Variants in NWD1 observed in about 807,000 individuals in gnomAD.
NWD1 encodes the protein NACHT domain- and WD repeat-containing protein 1.
A neutral mutation model predicts 135.1 loss-of-function variants in NWD1; 129 were observed. The ratio of observed to expected loss-of-function variants is 0.96; its 90% CI spans 0.83 to 1.11. The LOEUF (loss-of-function observed/expected upper bound fraction) is 1.11, where lower values mean the gene tolerates loss of function less well. Among genes scored for constraint, NWD1 ranks in the 50% least tolerant of loss-of-function variants. The probability of loss-of-function intolerance (pLI) is 0.00; values close to 1 mark genes in which losing one functional copy is unlikely to be tolerated. For missense variants in NWD1, 1,740 were observed against 1,851.3 expected, an observed-to-expected ratio of 0.94 and a Z score of 1.10; for synonymous variants, 773 against 786.0, an observed-to-expected ratio of 0.98 and a Z score of 0.28.
In NWD1 at chr19:16,759,488, C is replaced by T; in HGVS notation, c.1973+60C>T. 3 of 1,297,574 alleles carry T rather than the reference C, an allele frequency of 2.3e-6. No homozygotes were observed. The South Asian group carries it at 3.8e-5, about 16-fold the overall frequency. The allele number at this position is 1,297,574 out of a possible 1,614,324, so 80.4% of individuals were successfully genotyped here. A position where few individuals can be genotyped will look rare whatever the true frequency, so the allele number is the denominator to read the frequency against. ...GGGTGGGACCCCAAGAATGAGGACT[C>T]ACTGGCCGGGGGTCTTCTCAGTATC... On this transcript the variant is annotated intron_variant, in intron 7 of 18. Transcript: ENST00000524140.
rs551065697 is a variant in NWD1, at chr19:16,794,553, G to C, written c.3304G>C (p.Gly1102Arg). 8.2e-6 allele frequency: 13 copies of C among 1,594,864 alleles called. No homozygotes were observed. In the Admixed American group the frequency reaches 2.2e-4, roughly 27 times the overall value. The stretch of plus-strand genomic sequence containing the variant: ...TGAAGATGAGTCCCTCCTCGCCGCA[G>C]GTAGCGTTTAGCTCTCATTTGGAGT... ...VSEDESLLAA[G>R]FGRSVRIFLA... The change falls in exon 15 of 19, where the codon GGC (glycine) becomes CGC (arginine). Residue 1102 changes from glycine to arginine, a missense_variant and splice_region_variant. Gly to Arg is a moderately radical substitution (Grantham distance 125). Transcript: ENST00000524140.
intron 12 of NWD1, among the ~76,000 whole-genome samples, chr19:16,787,598 G>A (rs545476866): frequency 2.6e-4 from 40 of 152,240 alleles, no homozygotes; most frequent in Admixed American, 7.2e-4. Flanking sequence ...AGTGGCTCAC[G>A]CCTGTAATCC....
intron 17 of NWD1, among the ~76,000 whole-genome samples, chr19:16,803,554 CATA>C (rs1440492237): frequency 2.0e-5 from 3 of 151,946 alleles, no homozygotes; most frequent in African/African-American, 7.3e-5. Flanking sequence ...ATGATTTTAA[CATA>C]GGAATTTGTC....
At chr19:16,807,268 T>G (rs1354266781) in intron 17 of NWD1, among the ~76,000 whole-genome samples, 1 of 149,398 alleles carries the variant, frequency 6.7e-6, no homozygotes, top group Non-Finnish European at 1.5e-5. Flanking sequence ...CCAAGGTGGG[T>G]GGATCACCTG....
chr19:16,745,909 C>T (rs112951204), intron 5 of NWD1, among the ~76,000 whole-genome samples: 2 of 152,074 alleles, frequency 1.3e-5, no homozygotes, highest in African/African-American at 4.8e-5. Context: ...AGAGTGAGAC[C>T]CTGTCTCTAA....
Position 16,741,746 on chromosome 19 carries a change from C to G in NWD1, c.199-2675C>G, listed in dbSNP as rs1196710933. 2.6e-5 allele frequency among the ~76,000 whole-genome samples: 4 copies of G among 152,096 alleles called. No individual in the cohort carries two copies. In the South Asian group the frequency reaches 8.3e-4, roughly 32 times the overall value. On this transcript the variant is annotated intron_variant, in intron 4 of 18. Transcript: ENST00000524140. ...ACGTACGACCCATGTTTTACCCTTT[C>G]TTCCTAGCACTCTAACAGCTGCCAT...
chr19:16,743,005 C>T (rs770205065), intron 4 of NWD1, among the ~76,000 whole-genome samples: 5 of 148,542 alleles, frequency 3.4e-5, no homozygotes, highest in South Asian at 2.1e-4. Flanking sequence ...CTTCGCCTCC[C>T]GGCTTCAAGC....
intron 12 of NWD1, among the ~76,000 whole-genome samples, chr19:16,785,866 T>A (rs568202572): frequency 8.6e-4 from 130 of 151,136 alleles, no homozygotes; most frequent in African/African-American, 2.8e-3. Context: ...CTCTTTTTTT[T>A]AAATTTTTTT....
intron 4 of NWD1, among the ~76,000 whole-genome samples, chr19:16,741,266 G>C (rs947082183): frequency 6.6e-6 from 1 of 151,962 alleles, no homozygotes; most frequent in Non-Finnish European, 1.5e-5. Context: ...GCTTCTTCCT[G>C]CCACAGGGCC....
chr19:16,736,733 A>G lies in NWD1; in HGVS notation c.181A>G (p.Ile61Val). ...EEVDRCWKTS[I>V]GPAFVALIGD... ...GGTTGACCGGTGTTGGAAAACATCC[A>G]TAGGGCCAGCTTTTGTTGTGAGTGT... Residue 61 changes from isoleucine (I) to valine (V), a missense_variant, in exon 4 of 19, where the codon ATA becomes GTA. Ile to Val is a conservative substitution (Grantham distance 29). Transcript: ENST00000524140. The G allele has an allele frequency of 6.5e-7, 1 of 1,533,708 alleles. No homozygotes were observed. The highest frequency in any genetic ancestry group is 8.7e-7 in the Non-Finnish European group (1 of 1,144,316).
chr19:16,794,631 A>G, intron 15 of NWD1, 78 bp downstream of exon 15: 2 of 1,006,398 alleles, frequency 2.0e-6, no homozygotes, highest in East Asian at 5.2e-5. Flanking sequence ...GCTTGGGAAC[A>G]GAGAGAAGTC....
chr19:16,758,814 C>T (rs1968891369), intron 6 of NWD1, among the ~76,000 whole-genome samples: 1 of 151,926 alleles, frequency 6.6e-6, no homozygotes, highest in Non-Finnish European at 1.5e-5. Flanking sequence ...TGGAGACCAG[C>T]TTGACTAACA....
intron 18 of NWD1, among the ~76,000 whole-genome samples, chr19:16,811,446 T>TGCC (rs1970920798): frequency 6.6e-6 from 1 of 151,486 alleles, no homozygotes; most frequent in African/African-American, 2.4e-5. Flanking sequence ...TAGCCGGGCA[T>TGCC]GGTGGTGCAT....
chr19:16,782,855 CT>C (rs2123010239), intron 12 of NWD1, among the ~76,000 whole-genome samples: 1 of 120,910 alleles, frequency 8.3e-6, no homozygotes, highest in East Asian at 2.4e-4. Context: ...TTCTTTCTTC[CT>C]TTTCCTTCTT....
At chr19:16,737,666 T>A (rs1967879800) in intron 4 of NWD1, among the ~76,000 whole-genome samples, 3 of 151,144 alleles carry the variant, frequency 2.0e-5, no homozygotes, top group African/African-American at 7.3e-5. Flanking sequence ...AACGATCACA[T>A]TTTCCTTAGA....
At chr19:16,763,499 C>G (rs552659980) in intron 8 of NWD1, among the ~76,000 whole-genome samples, 10 of 152,136 alleles carry the variant, frequency 6.6e-5, no homozygotes, top group Non-Finnish European at 1.2e-4. Flanking sequence ...CCATGCTGTT[C>G]CCTTGCCCTG....
At chr19:16,764,010 A>T in intron 9 of NWD1, 65 bp downstream of exon 9, 1 of 980,740 alleles carries the variant, frequency 1.0e-6, no homozygotes, top group Non-Finnish European at 1.6e-6. Flanking sequence ...AGTCTTCTAG[A>T]GCCTGGGGAG....
chr19:16,746,527 G>T (rs1054922139), intron 5 of NWD1, among the ~76,000 whole-genome samples: 1 of 152,000 alleles, frequency 6.6e-6, no homozygotes, highest in African/African-American at 2.4e-5. Flanking sequence ...ACAAAAATTA[G>T]CTGGGCATGG....
intron 17 of NWD1, among the ~76,000 whole-genome samples, chr19:16,803,997 A>C (rs921715993): frequency 2.6e-5 from 4 of 152,138 alleles, no homozygotes; most frequent in Non-Finnish European, 5.9e-5. Context: ...TGCATGAGGT[A>C]GTTGGCAATC....
Sources: gnomAD v4.1 joint callset for allele counts (sites outside exome capture counted in the v4.1 genomes callset) on GRCh38, gnomAD v4.1.1 for gene constraint, MANE v1.5 for transcripts, NCBI Gene and HGNC (gene_info 2026-07-23, HGNC 2026-07-21) for gene names.